ABCA13: variants seen among roughly 807,000 people sequenced by gnomAD.
ABCA13 encodes ATP-binding cassette sub-family A member 13.
In ABCA13, 476 loss-of-function variants were observed where a neutral mutation model predicts 478.7. That is an observed-to-expected ratio of 0.99 (90% CI 0.92 to 1.07). ABCA13 has a LOEUF of 1.07. ABCA13 is among the 50% of genes least tolerant of loss of function. The probability of loss-of-function intolerance (pLI) is 0.00; values close to 1 mark genes in which losing one functional copy is unlikely to be tolerated. For missense variants in ABCA13, 6,060 were observed against 5,910.6 expected, an observed-to-expected ratio of 1.03 and a Z score of -0.83; for synonymous variants, 2,252 against 2,158.9, an observed-to-expected ratio of 1.04 and a Z score of -1.20.
At chr7:48,543,726 T>C (rs1784562822) in intron 55 of ABCA13, among the ~76,000 whole-genome samples, 1 of 151,896 alleles carries the variant, frequency 6.6e-6, no homozygotes, top group South Asian at 2.1e-4. Flanking sequence ...ATAGTTGCCA[T>C]CATTAATATA....
chr7:48,523,809 T>C (rs1448428314), intron 53 of ABCA13, among the ~76,000 whole-genome samples: 1 of 152,180 alleles, frequency 6.6e-6, no homozygotes, highest in East Asian at 1.9e-4. Context: ...ATAATCCTTT[T>C]ATGCGATTCA....
Position 48,275,862 on chromosome 7 carries a change from AT to A in ABCA13, c.6197del (p.Met2066ArgfsTer4). On this transcript the variant is annotated frameshift_variant, in exon 17 of 62. Coordinates refer to ENST00000435803, the MANE Select transcript of ABCA13 (RefSeq NM_152701.5). LOFTEE classifies it high-confidence loss of function. ...ACTATGGCCCAAGTTTCAACAAATC[AT>A]GAAAGACCTAACCCAAGATTTTAGA... ...EELWPKFQQIMKDLTQDFRIR... is the reference protein window; with the variant it reads ...EELWPKFQQIXKDLTQDFRIR... The A allele has an allele frequency of 1.9e-6, 3 of 1,613,556 alleles. No individual in the cohort carries two copies. Among genetic ancestry groups the A allele is most frequent in the Non-Finnish European group, 2.5e-6 (3 of 1,179,816 alleles).
At chr7:48,233,111 A>T (rs898201939) in intron 7 of ABCA13, among the ~76,000 whole-genome samples, 2 of 151,824 alleles carry the variant, frequency 1.3e-5, no homozygotes, top group Non-Finnish European at 2.9e-5. Flanking sequence ...GATTTTCCCC[A>T]TCTTTAACAC....
intron 43 of ABCA13, among the ~76,000 whole-genome samples, chr7:48,457,739 C>G (rs762916291): frequency 6.6e-6 from 1 of 152,152 alleles, no homozygotes; most frequent in Non-Finnish European, 1.5e-5. Context: ...CACAGGCTAT[C>G]GTACCTGTTC....
At chr7:48,234,546 T>C (rs1789657275) in intron 8 of ABCA13, among the ~76,000 whole-genome samples, 1 of 152,126 alleles carries the variant, frequency 6.6e-6, no homozygotes, top group African/African-American at 2.4e-5. Flanking sequence ...GGTAAAGAGA[T>C]AGTTTTCATT....
rs911454337 is a variant in ABCA13, at chr7:48,646,264, G to C, written c.*752G>C. On this transcript the variant is annotated 3_prime_UTR_variant, in exon 62 of 62. Coordinates refer to ENST00000435803, the MANE Select transcript of ABCA13 (RefSeq NM_152701.5). Reference sequence around the variant, plus strand: ...AGATGCATTTTCTTTTTCTTCATTTGGATGAATAATTACTGTTTTTTGTTA... The same window carrying C: ...AGATGCATTTTCTTTTTCTTCATTTCGATGAATAATTACTGTTTTTTGTTA... 1.3e-5 allele frequency: 2 copies of C among 151,988 alleles called. No individual in the cohort carries two copies. Among genetic ancestry groups the C allele is most frequent in the African/African-American group, 2.4e-5 (1 of 41,396 alleles). 9.4% of individuals were successfully genotyped at this position (151,988 alleles called of 1,614,324 possible).
Position 48,274,118 on chromosome 7 carries a change from T to C in ABCA13, c.4452T>C (p.Pro1484=). ...CAGTCTTTGAAAAAGAGAAGAAACC[T>C]AAATTTGAGATTTTATTAGCTCTTT... is the stretch of plus-strand genomic sequence containing the variant. The part of the protein sequence containing the change: ...LTTVFEKEKK[P]KFEILLALLN... Residue 1484 remains proline, a synonymous_variant, in exon 17 of 62, where the codon CCT becomes CCC. Coordinates refer to ENST00000435803, the MANE Select transcript of ABCA13 (RefSeq NM_152701.5). 6.2e-7 allele frequency: 1 copy of C among 1,607,156 alleles called. No individual in the cohort carries two copies. The highest frequency in any genetic ancestry group is 8.5e-7 in the Non-Finnish European group (1 of 1,176,548).
rs1796702566 is a variant in ABCA13, at chr7:48,279,230, G to T, written c.8036G>T (p.Gly2679Val). 1 of 1,589,528 alleles carries T rather than the reference G, an allele frequency of 6.3e-7. No homozygotes were observed. Reference protein sequence around the residue: ...DSVNLREEILGCLVPINNITN... With the variant: ...DSVNLREEILVCLVPINNITN... ...GTCAACTTACGGGAAGAAATTCTGGGTTGCTTAGTTCCTATAAATAACATC... is the reference window on the plus strand; with the variant it reads ...GTCAACTTACGGGAAGAAATTCTGGTTTGCTTAGTTCCTATAAATAACATC... Residue 2679 changes from glycine to valine, a missense_variant, in exon 18 of 62, where the codon GGT becomes GTT. Physicochemically the swap from Gly to Val is moderately radical, Grantham distance 109. Around this residue, in one of 3 missense-constraint regions of ABCA13, gnomAD observed 4,423 missense variants for 4,309.1 expected, o/e 1.03. Coordinates refer to ENST00000435803, the MANE Select transcript of ABCA13 (RefSeq NM_152701.5).
chr7:48,381,910 G>A (rs776695361), intron 35 of ABCA13, among the ~76,000 whole-genome samples: 4 of 152,198 alleles, frequency 2.6e-5, no homozygotes, highest in Non-Finnish European at 4.4e-5. Context: ...AGCAAAAGCC[G>A]ATTGCAGAGG....
chr7:48,172,280 G>A (rs948825060), intron 1 of ABCA13, among the ~76,000 whole-genome samples: 2 of 152,226 alleles, frequency 1.3e-5, no homozygotes, highest in African/African-American at 2.4e-5. Flanking sequence ...TACCTGCATC[G>A]TTTCTGATTT....
intron 27 of ABCA13, among the ~76,000 whole-genome samples, chr7:48,322,730 T>A (rs1254011107): frequency 6.6e-6 from 1 of 152,218 alleles, no homozygotes; most frequent in East Asian, 1.9e-4. Flanking sequence ...GCTTTGTTTT[T>A]AAATTAACAT....
At chr7:48,402,183 G>GACTAC (rs754038499) in intron 38 of ABCA13, among the ~76,000 whole-genome samples, 6 of 152,174 alleles carry the variant, frequency 3.9e-5, no homozygotes, top group Non-Finnish European at 4.4e-5. Context: ...GACATCCCAA[G>GACTAC]TAGTACCAAT....
At chr7:48,604,730 A>G (rs1336959132) in intron 58 of ABCA13, among the ~76,000 whole-genome samples, 1 of 152,126 alleles carries the variant, frequency 6.6e-6, no homozygotes, top group African/African-American at 2.4e-5. Flanking sequence ...AGTTCTGTAG[A>G]TGTCTGTTAG....
At position 48,272,171 on chromosome 7, in the gene ABCA13, A is replaced by G. The variant is rs934888858; in HGVS notation, c.2505A>G (p.Leu835=). The stretch of plus-strand genomic sequence containing the variant: ...TTTTTGAAATTAATCCCAAATTACT[A>G]GAATTATGGGCCTATGGCATTTCAA... ...LILFEINPKL[L]ELWAYGISKG... is the part of the protein sequence containing the mutation. Residue 835 remains leucine (L), a synonymous_variant, in exon 17 of 62, where the codon CTA becomes CTG. Coordinates refer to ENST00000435803, the MANE Select transcript of ABCA13 (RefSeq NM_152701.5). The G allele has an allele frequency of 1.1e-5, 17 of 1,613,054 alleles. No individual in the cohort carries two copies. The highest frequency in any genetic ancestry group is 1.4e-5 in the Non-Finnish European group (17 of 1,179,556).
At chr7:48,369,682 G>A (rs1416157353) in intron 32 of ABCA13, among the ~76,000 whole-genome samples, 1 of 152,114 alleles carries the variant, frequency 6.6e-6, no homozygotes, top group East Asian at 1.9e-4. Context: ...TGTTTGCTTT[G>A]TTGAAGATCA....
chr7:48,611,944 T>C (rs1333171457), intron 58 of ABCA13: 1 of 152,146 alleles, frequency 6.6e-6, no homozygotes, highest in African/African-American at 2.4e-5. Context: ...ATAAAGCATA[T>C]TTGGAAAATT....
At chr7:48,373,717 A>T (rs1813014424) in intron 33 of ABCA13, among the ~76,000 whole-genome samples, 1 of 152,188 alleles carries the variant, frequency 6.6e-6, no homozygotes, top group African/African-American at 2.4e-5. Flanking sequence ...TGATTTTCAG[A>T]TGGTGTTATT....
chr7:48,557,371 G>A (rs2131236657), intron 55 of ABCA13, among the ~76,000 whole-genome samples: 1 of 152,158 alleles, frequency 6.6e-6, no homozygotes, highest in East Asian at 1.9e-4. Flanking sequence ...AGCATTTCTT[G>A]TAGGACAGGT....
intron 43 of ABCA13, among the ~76,000 whole-genome samples, chr7:48,464,912 G>A (rs1158622157): frequency 2.0e-5 from 3 of 152,196 alleles, no homozygotes; most frequent in African/African-American, 7.2e-5. Context: ...AGGAGGCAGG[G>A]AGGACTTATT....
Sources: gnomAD v4.1 joint callset for allele counts (sites outside exome capture counted in the v4.1 genomes callset) on GRCh38, gnomAD v4.1.1 for gene constraint, gnomAD v4.1.1 regional missense constraint, MANE v1.5 for transcripts, NCBI Gene and HGNC (gene_info 2026-07-23, HGNC 2026-07-21) for gene names.